KCNT1: variants seen among roughly 807,000 people sequenced by gnomAD.
KCNT1 encodes potassium channel subfamily T member 1.
Under a neutral mutation model 147.8 loss-of-function variants are expected in KCNT1, and 78 were observed. The ratio of observed to expected loss-of-function variants is 0.53; its 90% CI spans 0.44 to 0.64. The LOEUF (loss-of-function observed/expected upper bound fraction) is 0.64, where lower values mean the gene tolerates loss of function less well. Among genes scored for constraint, KCNT1 ranks in the 30% least tolerant of loss-of-function variants. The pLI is 0.00. For missense variants in KCNT1, 1,419 were observed against 1,750.3 expected (o/e 0.81, Z 3.38); for synonymous variants, 867 against 748.8 (o/e 1.16, Z -2.58).
intron 2 of KCNT1, among the ~76,000 whole-genome samples, chr9:135,731,972 A>ATATATATATATG (rs1836463212): frequency 9.9e-5 from 3 of 30,424 alleles, no homozygotes; most frequent in South Asian, 2.1e-3. Flanking sequence ...ATATATATAT[A>ATATATATATATG]TATATATATA....
chr9:135,762,897 G>A (rs1415301530), intron 11 of KCNT1, among the ~76,000 whole-genome samples: 1 of 152,246 alleles, frequency 6.6e-6, no homozygotes, highest in East Asian at 1.9e-4. Flanking sequence ...TGGCCATGGT[G>A]ACAAGTGACC....
intron 1 of KCNT1, 77 bp downstream of exon 1, chr9:135,702,445 C>G (rs544572817): frequency 8.3e-6 from 10 of 1,210,934 alleles, no homozygotes; most frequent in African/African-American, 3.0e-5. Context: ...CTCAGGCTCC[C>G]GCACCCTCCA....
intron 5 of KCNT1, among the ~76,000 whole-genome samples, chr9:135,754,763 G>T (rs527369725): frequency 6.6e-6 from 1 of 152,324 alleles, no homozygotes; most frequent in South Asian, 2.1e-4. Flanking sequence ...ACCCAGTCTG[G>T]GGCCCAGGCT....
chr9:135,750,047 G>A, intron 2 of KCNT1, 51 bp from the exon 3 acceptor site: 2 of 1,480,142 alleles, frequency 1.4e-6, no homozygotes, highest in Non-Finnish European at 1.9e-6. Context: ...CGTGTCCCCA[G>A]CCTGAGTCCC....
chr9:135,760,747 C>T (rs1001804135), intron 11 of KCNT1, among the ~76,000 whole-genome samples: 79 of 152,364 alleles, frequency 5.2e-4, no homozygotes, highest in African/African-American at 1.7e-3. Flanking sequence ...CGGCCCCCAG[C>T]GTGGGCCATG....
At chr9:135,787,841 C>T (rs1457878947) in intron 29 of KCNT1, among the ~76,000 whole-genome samples, 1 of 152,176 alleles carries the variant, frequency 6.6e-6, no homozygotes, top group African/African-American at 2.4e-5. Flanking sequence ...GTTTGTGGTC[C>T]CCTGTGACTG....
Position 135,792,137 on chromosome 9 carries a change from G to GA in KCNT1, c.3685dup (p.Thr1229AsnfsTer31). The GA allele has an allele frequency of 6.2e-7, 1 of 1,605,920 alleles. No individual in the cohort carries two copies. The highest frequency in any genetic ancestry group is 8.5e-7 in the Non-Finnish European group (1 of 1,179,646). The stretch of plus-strand genomic sequence containing the variant: ...ACAAGCTGTCGTCCTGCAACCCCGA[G>GA]ACTCGCGACGAGACACAGCTCTGAG... On this transcript the variant is annotated frameshift_variant, in exon 31 of 31. Transcript: ENST00000371757. LOFTEE classifies it high-confidence loss of function.
intron 28 of KCNT1, chr9:135,785,927 C>T (rs1834008515): frequency 3.7e-6 from 2 of 546,536 alleles, no homozygotes; most frequent in South Asian, 2.3e-5. Context: ...GAGCTGCCCT[C>T]AGCAGCCTGG....
At chr9:135,773,530 A>G (rs944261593) in intron 19 of KCNT1, among the ~76,000 whole-genome samples, 6 of 152,212 alleles carry the variant, frequency 3.9e-5, no homozygotes, top group Non-Finnish European at 8.8e-5. Flanking sequence ...GCCCGTCCTG[A>G]GTTGTTGTCC....
rs370749602 is a variant in KCNT1 at position 135,767,105 on chromosome 9, T to C, written c.1337+1345T>C. Among the ~76,000 whole-genome samples the C allele has an allele frequency of 1.2e-4, 18 of 152,258 alleles. No individual in the cohort carries two copies. In the East Asian group the frequency reaches 2.1e-3, roughly 18 times the overall value. ...CATTCCAGGAGCCTGAATGTGTCCT[T>C]AGTGGCATAGTGTTGGTGGTACTCC... On this transcript the variant is annotated intron_variant, in intron 13 of 30. Coordinates refer to ENST00000371757, the MANE Select transcript of KCNT1 (RefSeq NM_020822.3).
rs146292575 is a variant in KCNT1 at position 135,702,317 on chromosome 9, G to A, written c.59G>A (p.Gly20Glu). 3.1e-6 allele frequency: 5 copies of A among 1,610,964 alleles called. No individual in the cohort carries two copies. In the South Asian group the frequency reaches 5.5e-5, roughly 18 times the overall value. Reference protein sequence around the residue: ...PGGVCREARGGGYTNRTFEFD... With the variant: ...PGGVCREARGEGYTNRTFEFD... ...GGCGTCTGCCGGGAGGCGCGCGGCG[G>A]GGGCTACACCAACCGGACCTTCGAG... The change falls in exon 1 of 31, where the codon GGG becomes GAG. Residue 20 changes from glycine to glutamate, a missense_variant. Transcript: ENST00000371757.
chr9:135,770,103 G>T (rs749642125), intron 16 of KCNT1, 48 bp downstream of exon 16: 6 of 1,497,044 alleles, frequency 4.0e-6, no homozygotes, highest in African/African-American at 2.8e-5. Flanking sequence ...CGGGGCCGGC[G>T]CAGGGAGACA....
At chr9:135,711,354 G>T (rs760304740) in intron 1 of KCNT1, among the ~76,000 whole-genome samples, 1 of 152,178 alleles carries the variant, frequency 6.6e-6, no homozygotes, top group African/African-American at 2.4e-5. Context: ...CCCCCAGCTG[G>T]CCAAAGGCAG....
intron 2 of KCNT1, among the ~76,000 whole-genome samples, chr9:135,734,762 G>A (rs1050813854): frequency 4.6e-5 from 7 of 152,284 alleles, no homozygotes; most frequent in African/African-American, 1.7e-4. Flanking sequence ...GCGGTGGGCT[G>A]TGGGTTCGTT....
intron 1 of KCNT1, 145 bp downstream of exon 1, chr9:135,702,513 C>A: frequency 1.4e-6 from 1 of 689,716 alleles, no homozygotes; most frequent in Non-Finnish European, 2.5e-6. Context: ...GCCCTCCCAA[C>A]CACCTTGGGG....
At chr9:135,751,208 T>A (rs909823991) in intron 4 of KCNT1, among the ~76,000 whole-genome samples, 167 bp downstream of exon 4, 25 of 152,046 alleles carry the variant, frequency 1.6e-4, no homozygotes, top group African/African-American at 5.8e-4. Context: ...AGCCAAGGAC[T>A]CAGTGCCCAG....
At chr9:135,759,954 G>A (rs917035518) in intron 11 of KCNT1, 95 bp downstream of exon 11, 109 of 1,194,048 alleles carry the variant, frequency 9.1e-5, no homozygotes, top group East Asian at 3.1e-4. Context: ...GGCACAGTGC[G>A]GGGGCCACTC....
rs760151844 is a variant in KCNT1, at chr9:135,786,264, G to A, written c.3245G>A (p.Arg1082His). The change falls in exon 29 of 31, where the codon CGC becomes CAC. Residue 1082 changes from arginine to histidine, a missense_variant. By Grantham distance (29) the Arg-to-His change is conservative (BLOSUM62 0). Transcript: ENST00000371757. ...TREVKGPWGSRAGTGGSSQGR... is the reference protein window; with the variant it reads ...TREVKGPWGSHAGTGGSSQGR... ...GAAGTGAAGGGGCCCTGGGGCTCCCGCGCTGGCACCGGAGGCAGCTCCCAG... is the reference window on the plus strand; with the variant it reads ...GAAGTGAAGGGGCCCTGGGGCTCCCACGCTGGCACCGGAGGCAGCTCCCAG... 3.2e-5 allele frequency: 51 copies of A among 1,610,642 alleles called. 1 individual carries two copies. Among genetic ancestry groups the A allele is most frequent in the Middle Eastern group, 3.3e-4 (2 of 6,062 alleles).
At chr9:135,770,270 G>A (rs374849880) in intron 16 of KCNT1, 28 bp from the exon 17 acceptor site, 21 of 1,561,890 alleles carry the variant, frequency 1.3e-5, no homozygotes, top group African/African-American at 6.8e-5. Flanking sequence ...CGAGGGTGAC[G>A]CTCCCCTGGC....
Sources: allele counts gnomAD v4.1 joint callset (sites outside exome capture counted in the v4.1 genomes callset), GRCh38; gene constraint gnomAD v4.1.1; transcripts MANE v1.5; gene names NCBI Gene and HGNC (gene_info 2026-07-23, HGNC 2026-07-21).